Variants in LRP1B observed in about 807,000 individuals in gnomAD.
LRP1B encodes low-density lipoprotein receptor-related protein 1B.
Under a neutral mutation model 556.6 loss-of-function variants are expected in LRP1B, and 217 were observed. The ratio of observed to expected loss-of-function variants is 0.39; its 90% CI spans 0.35 to 0.44. The LOEUF (loss-of-function observed/expected upper bound fraction) is 0.44, where lower values mean the gene tolerates loss of function less well. Ranked by LOEUF, LRP1B falls within the 20% of genes least tolerant of loss-of-function variation. LRP1B has a pLI of 1.00. For missense variants in LRP1B, 5,053 were observed against 5,620.8 expected, an observed-to-expected ratio of 0.90 and a Z score of 3.23; for synonymous variants, 2,047 against 1,865.8, an observed-to-expected ratio of 1.10 and a Z score of -2.50.
intron 79 of LRP1B, among the ~76,000 whole-genome samples, chr2:140,329,565 A>G (rs974511336): frequency 6.6e-6 from 1 of 152,106 alleles, no homozygotes; most frequent in Non-Finnish European, 1.5e-5. Context: ...TACCAAATCA[A>G]TATGCAAAAA....
chr2:141,450,617 G>C (rs1286985743), intron 3 of LRP1B, among the ~76,000 whole-genome samples: 1 of 151,186 alleles, frequency 6.6e-6, no homozygotes, highest in East Asian at 1.9e-4. Flanking sequence ...ACATAAAAAT[G>C]ATTCAATATT....
At chr2:140,433,399 A>T (rs1686038054) in intron 66 of LRP1B, among the ~76,000 whole-genome samples, 1 of 152,180 alleles carries the variant, frequency 6.6e-6, no homozygotes, top group Non-Finnish European at 1.5e-5. Context: ...TGCCTGACAG[A>T]TGTTATACTT....
chr2:140,600,165 T>C (rs1682598041), intron 42 of LRP1B, among the ~76,000 whole-genome samples: 1 of 152,088 alleles, frequency 6.6e-6, no homozygotes, highest in African/African-American at 2.4e-5. Flanking sequence ...ATATCATGAG[T>C]GACTGCTTTA....
chr2:141,567,698 G>A (rs1328722687), intron 2 of LRP1B, among the ~76,000 whole-genome samples: 1 of 151,676 alleles, frequency 6.6e-6, no homozygotes, highest in Non-Finnish European at 1.5e-5. Context: ...AGGTATGTGG[G>A]AAATCTGCTT....
At chr2:141,781,697 G>A (rs1467030229) in intron 2 of LRP1B, among the ~76,000 whole-genome samples, 3 of 152,086 alleles carry the variant, frequency 2.0e-5, no homozygotes, top group Admixed American at 6.6e-5. Context: ...GCACTAGCTG[G>A]CTTTATTCCA....
At chr2:141,163,954 A>T (rs1433470005) in intron 7 of LRP1B, among the ~76,000 whole-genome samples, 1 of 152,124 alleles carries the variant, frequency 6.6e-6, no homozygotes, top group Non-Finnish European at 1.5e-5. Context: ...TCAAAATTTG[A>T]CATTATATTA....
At chr2:141,105,746 G>C (rs888334262) in intron 7 of LRP1B, among the ~76,000 whole-genome samples, 1 of 152,080 alleles carries the variant, frequency 6.6e-6, no homozygotes, top group Non-Finnish European at 1.5e-5. Flanking sequence ...TTCAAAAAAT[G>C]TATACCTGTT....
intron 1 of LRP1B, among the ~76,000 whole-genome samples, chr2:141,960,927 T>A (rs1229891056): frequency 6.6e-6 from 1 of 151,798 alleles, no homozygotes; most frequent in Non-Finnish European, 1.5e-5. Flanking sequence ...ATGGAATAGA[T>A]CTTTTAACAA....
intron 1 of LRP1B, among the ~76,000 whole-genome samples, chr2:142,080,304 A>C (rs78094578): frequency 0.011 from 1,659 of 152,280 alleles, 27 homozygotes; most frequent in African/African-American, 0.038. Context: ...GAGTGTGTTA[A>C]AGTGTGTTTG....
intron 15 of LRP1B, among the ~76,000 whole-genome samples, chr2:140,998,532 T>C (rs1366618287): frequency 6.6e-6 from 1 of 152,046 alleles, no homozygotes. Flanking sequence ...AGTTCCAAGT[T>C]ACTATGCTAC....
At chr2:141,068,670 T>A (rs921942905) in intron 7 of LRP1B, among the ~76,000 whole-genome samples, 11 of 151,850 alleles carry the variant, frequency 7.2e-5, no homozygotes, top group African/African-American at 2.7e-4. Context: ...AAGTTTACAG[T>A]TTGCTTGTCT....
In LRP1B at chr2:140,315,081, G is replaced by T; in HGVS notation, c.12659C>A (p.Thr4220Asn). ...DSLLDDSCKLTCENGGRCILN... is the reference protein window; with the variant it reads ...DSLLDDSCKLNCENGGRCILN... ...AATGCATCTTCCTCCATTTTCACAA[G>T]TTAACTTACATGAATCATCTGTTTA... Residue 4220 changes from threonine (T) to asparagine (N), a missense_variant, in exon 83 of 91, where the codon ACT (threonine) becomes AAT (asparagine). Physicochemically the swap from Thr to Asn is moderately conservative, Grantham distance 65. Transcript: ENST00000389484. The T allele has an allele frequency of 6.2e-7, 1 of 1,607,158 alleles. No homozygotes were observed. The highest frequency in any genetic ancestry group is 8.5e-7 in the Non-Finnish European group (1 of 1,176,366).
rs192176603 is a variant in LRP1B, at chr2:141,398,973, C to T, written c.343+81423G>A. Among the ~76,000 whole-genome samples, 273 of 152,170 alleles carry T rather than the reference C, an allele frequency of 1.8e-3. 1 individual carries two copies. Among genetic ancestry groups the T allele is most frequent in the Non-Finnish European group, 3.2e-3 (220 of 67,980 alleles). ...CCTTTTGATGTAAAAAGCCAAATTC[C>T]GACTGGGCGCAGTGGCTTATGCCTG... is the stretch of plus-strand genomic sequence containing the variant. On this transcript the variant is annotated intron_variant, in intron 3 of 90. Coordinates refer to ENST00000389484, the MANE Select transcript of LRP1B (RefSeq NM_018557.3).
At chr2:140,247,349 C>T (rs1306450138) in intron 86 of LRP1B, among the ~76,000 whole-genome samples, 187 bp from the exon 87 acceptor site, 1 of 151,550 alleles carries the variant, frequency 6.6e-6, no homozygotes, top group East Asian at 1.9e-4. Flanking sequence ...TTTCATTGGA[C>T]TTCCTTTGTT....
intron 1 of LRP1B, among the ~76,000 whole-genome samples, chr2:141,985,570 T>A (rs975623887): frequency 3.3e-5 from 5 of 152,120 alleles, no homozygotes; most frequent in African/African-American, 1.2e-4. Flanking sequence ...TTATAAATAA[T>A]GAAATAAAAA....
chr2:141,042,169 G>A (rs1698721548), intron 11 of LRP1B, among the ~76,000 whole-genome samples: 1 of 152,066 alleles, frequency 6.6e-6, no homozygotes, highest in Non-Finnish European at 1.5e-5. Flanking sequence ...TGTTAATAAG[G>A]TAAATGTCCT....
chr2:141,169,763 G>A (rs997943498), intron 7 of LRP1B, among the ~76,000 whole-genome samples: 2 of 112,342 alleles, frequency 1.8e-5, no homozygotes, highest in African/African-American at 7.0e-5. Context: ...CAAAGCAAAA[G>A]ATATGGCTCT....
chr2:141,560,921 G>A (rs892087292), intron 2 of LRP1B, among the ~76,000 whole-genome samples: 6 of 151,532 alleles, frequency 4.0e-5, no homozygotes, highest in Non-Finnish European at 1.5e-5. Context: ...CGTGGAACAT[G>A]CAAGATTCCT....
At chr2:141,715,906 A>G (rs1401690016) in intron 2 of LRP1B, among the ~76,000 whole-genome samples, 1 of 152,204 alleles carries the variant, frequency 6.6e-6, no homozygotes, top group Non-Finnish European at 1.5e-5. Flanking sequence ...GTGGTTGCTA[A>G]AATAGCATTA....
Sources: allele counts gnomAD v4.1 joint callset (sites outside exome capture counted in the v4.1 genomes callset), GRCh38; gene constraint gnomAD v4.1.1; transcripts MANE v1.5; gene names NCBI Gene and HGNC (gene_info 2026-07-23, HGNC 2026-07-21).